Variants in LOC400499 observed in about 807,000 individuals in gnomAD.
At chr16:11,382,955 C>T in the LOC400499 span, among the ~76,000 whole-genome samples, 5 of 151,772 alleles carry the variant, frequency 3.3e-5, no homozygotes, top group Non-Finnish European at 5.9e-5. Flanking sequence ...ATAATTGGCT[C>T]ACAGTTTTAC....
chr16:11,398,599 G>T, the LOC400499 span: 2 of 999,480 alleles, frequency 2.0e-6, no homozygotes, highest in Non-Finnish European at 2.6e-6. Flanking sequence ...CTAGGCAAGA[G>T]CATGTGCCAG....
chr16:11,463,145 G>A, the LOC400499 span, among the ~76,000 whole-genome samples: 2 of 152,164 alleles, frequency 1.3e-5, no homozygotes, highest in African/African-American at 4.8e-5. Context: ...GATGGGCCAC[G>A]GGGACAGCTC....
the LOC400499 span, chr16:11,462,005 G>C: frequency 0.27 from 263,157 of 960,766 alleles, 38,101 homozygotes; most frequent in Admixed American, 0.45. Context: ...CCTTGGATGG[G>C]ATGTTGATAT....
chr16:11,433,863 T>C, the LOC400499 span, among the ~76,000 whole-genome samples: 16 of 152,366 alleles, frequency 1.1e-4, no homozygotes, highest in Middle Eastern at 3.4e-3. Context: ...TACCTTGCCC[T>C]ATGCGTCTCT....
At chr16:11,433,915 A>C in the LOC400499 span, among the ~76,000 whole-genome samples, 5 of 152,198 alleles carry the variant, frequency 3.3e-5, no homozygotes, top group African/African-American at 1.2e-4. Flanking sequence ...ATAATCAATG[A>C]ATAAATATAT....
chr16:11,425,675 T>G, the LOC400499 span, among the ~76,000 whole-genome samples: 5 of 152,134 alleles, frequency 3.3e-5, no homozygotes, highest in Admixed American at 1.3e-4. Flanking sequence ...CAGCTCTATA[T>G]TTATATAGAG....
chr16:11,442,223 A>G, the LOC400499 span: 1 of 152,140 alleles, frequency 6.6e-6, no homozygotes, highest in South Asian at 2.1e-4. Context: ...ATTCTATTTT[A>G]TATTTTATTT....
the LOC400499 span, among the ~76,000 whole-genome samples, chr16:11,501,495 C>G: frequency 6.6e-6 from 1 of 152,150 alleles, no homozygotes; most frequent in Middle Eastern, 3.4e-3. Flanking sequence ...TAGCTGGGAC[C>G]ACAAGTGTTC....
chr16:11,374,995 T>C, the LOC400499 span, among the ~76,000 whole-genome samples: 1 of 152,006 alleles, frequency 6.6e-6, no homozygotes, highest in Admixed American at 6.6e-5. Context: ...ATTACAGGCC[T>C]GCACCACCAC....
chr16:11,509,924 T>A, the LOC400499 span, among the ~76,000 whole-genome samples: 1 of 146,360 alleles, frequency 6.8e-6, no homozygotes, highest in Admixed American at 6.7e-5. Context: ...TGGAAGAGTA[T>A]ACTGGAAGCC....
the LOC400499 span, among the ~76,000 whole-genome samples, chr16:11,496,837 G>A: frequency 1.8e-3 from 279 of 152,062 alleles, 2 homozygotes; most frequent in African/African-American, 6.3e-3. Flanking sequence ...TGCATACACT[G>A]GGGTGTATAT....
the LOC400499 span, among the ~76,000 whole-genome samples, chr16:11,503,019 T>G: frequency 2.7e-5 from 4 of 146,420 alleles, no homozygotes; most frequent in Non-Finnish European, 4.5e-5. Context: ...CCTCCTGGGC[T>G]CCAGCGATCC....
At chr16:11,418,902 A>G in the LOC400499 span, among the ~76,000 whole-genome samples, 1 of 152,250 alleles carries the variant, frequency 6.6e-6, no homozygotes, top group African/African-American at 2.4e-5. Context: ...GCAGTGGCTC[A>G]TGCCTGGAAT....
At chr16:11,384,390 T>A in the LOC400499 span, 1 of 933,786 alleles carries the variant, frequency 1.1e-6, no homozygotes, top group Non-Finnish European at 1.4e-6. Flanking sequence ...GCCCCAGCCC[T>A]GCTGCCTCAG....
the LOC400499 span, chr16:11,460,328 G>T: frequency 9.4e-7 from 1 of 1,059,686 alleles, no homozygotes; most frequent in Non-Finnish European, 1.3e-6. Context: ...ATAAGACTGA[G>T]ACTGAAGTTC....
the LOC400499 span, among the ~76,000 whole-genome samples, chr16:11,467,625 A>G: frequency 6.6e-6 from 1 of 152,136 alleles, no homozygotes; most frequent in African/African-American, 2.4e-5. Flanking sequence ...AAAAGAAAAT[A>G]AAAATAAAAA....
chr16:11,443,314 A>C, the LOC400499 span: 1 of 372,172 alleles, frequency 2.7e-6, no homozygotes, highest in African/African-American at 2.7e-5. Context: ...ACAGAGCAAG[A>C]CTCGATCCTC....
At chr16:11,401,989 G>A in the LOC400499 span, 19 of 399,002 alleles carry the variant, frequency 4.8e-5, no homozygotes, top group Non-Finnish European at 6.6e-5. Flanking sequence ...AGCCTGCAGG[G>A]TGGAGTTCAG....
At chr16:11,386,801 C>A in the LOC400499 span, among the ~76,000 whole-genome samples, 1 of 152,228 alleles carries the variant, frequency 6.6e-6, no homozygotes, top group Admixed American at 6.5e-5. Flanking sequence ...CGCCTCTGAC[C>A]GGCGAGTCTG....
Sources: allele counts gnomAD v4.1 joint callset (sites outside exome capture counted in the v4.1 genomes callset), GRCh38; gene constraint gnomAD v4.1.1; transcripts MANE v1.5.